The following TAOK3 variants were observed in gnomAD, a reference collection of about 807,000 sequenced individuals.
TAOK3 encodes the protein serine/threonine-protein kinase TAO3.
A neutral mutation model predicts 120.4 loss-of-function variants in TAOK3; 40 were observed. That is an observed-to-expected ratio of 0.33 (90% CI 0.26 to 0.43). The LOEUF is 0.43. Ranked by LOEUF, TAOK3 falls within the 20% of genes least tolerant of loss-of-function variation. TAOK3 has a pLI of 1.00. For synonymous variants in TAOK3, 355 were observed against 387.5 expected (o/e 0.92, Z 0.99); for missense variants, 821 against 1,112.1 (o/e 0.74, Z 3.72).
intron 9 of TAOK3, among the ~76,000 whole-genome samples, chr12:118,225,642 C>A (rs1320120631): frequency 1.3e-5 from 2 of 152,058 alleles, no homozygotes; most frequent in Non-Finnish European, 2.9e-5. Context: ...GGTGTACTAC[C>A]GTTAAATATT....
intron 1 of TAOK3, among the ~76,000 whole-genome samples, chr12:118,347,699 T>C (rs2044928443): frequency 6.6e-6 from 1 of 152,168 alleles, no homozygotes; most frequent in Admixed American, 6.5e-5. Context: ...GTGCTGAGCT[T>C]CCCCTCTCTA....
intron 11 of TAOK3, among the ~76,000 whole-genome samples, chr12:118,207,019 AG>A (rs1424551267): frequency 1.3e-5 from 2 of 152,294 alleles, no homozygotes; most frequent in Middle Eastern, 3.4e-3. Flanking sequence ...CAAATAACAC[AG>A]AAAAATGTAT....
chr12:118,276,962 G>A (rs748594146), intron 1 of TAOK3, among the ~76,000 whole-genome samples: 8 of 152,240 alleles, frequency 5.3e-5, no homozygotes, highest in Admixed American at 3.3e-4. Flanking sequence ...CTGAGATCAC[G>A]CCACTGCACT....
intron 9 of TAOK3, among the ~76,000 whole-genome samples, chr12:118,220,740 G>A (rs1169380617): frequency 6.6e-6 from 1 of 152,058 alleles, no homozygotes; most frequent in African/African-American, 2.4e-5. Context: ...TAAGTAGCAA[G>A]CACTCTGCCT....
Position 118,245,783 on chromosome 12 carries a change from T to C in TAOK3, c.121-818A>G, listed in dbSNP as rs113245199. Among the ~76,000 whole-genome samples, 1,045 of 152,130 alleles carry C rather than the reference T, an allele frequency of 6.9e-3. 8 individuals carry two copies. Among genetic ancestry groups the C allele is most frequent in the African/African-American group, 0.023 (970 of 41,518 alleles). ...ATTGTAATATAAAAAATGATTAGGG[T>C]TTAATATATCAAACCAAACAAAAAA... is the stretch of plus-strand genomic sequence containing the variant. On this transcript the variant is annotated intron_variant, in intron 3 of 20. Transcript: ENST00000392533.
At chr12:118,243,382 ATAGT>A in intron 5 of TAOK3, 29 bp downstream of exon 5, 1 of 1,140,590 alleles carries the variant, frequency 8.8e-7, no homozygotes, top group East Asian at 2.5e-5. Context: ...AAAAAATGTA[ATAGT>A]AAAAGATAAT....
chr12:118,283,519 TAA>T (rs1431168327), intron 1 of TAOK3: 1 of 152,998 alleles, frequency 6.5e-6, no homozygotes, highest in African/African-American at 2.4e-5. Flanking sequence ...ATCACAAGGT[TAA>T]GAGATCGAGA....
intron 1 of TAOK3, among the ~76,000 whole-genome samples, chr12:118,299,300 A>G (rs886215801): frequency 6.6e-6 from 1 of 152,186 alleles, no homozygotes; most frequent in African/African-American, 2.4e-5. Flanking sequence ...CAATTTCACA[A>G]AAAACATTCA....
At chr12:118,370,132 C>T (rs1395450656) in intron 1 of TAOK3, among the ~76,000 whole-genome samples, 2 of 152,124 alleles carry the variant, frequency 1.3e-5, no homozygotes, top group Non-Finnish European at 2.9e-5. Context: ...CTCGGCCTCC[C>T]AAAGTGCTAG....
chr12:118,353,518 T>C (rs1451963148), intron 1 of TAOK3, among the ~76,000 whole-genome samples: 11 of 151,948 alleles, frequency 7.2e-5, no homozygotes, highest in Admixed American at 5.9e-4. Flanking sequence ...AGATTTAACA[T>C]AGTGGAAAAC....
chr12:118,351,444 A>G (rs2045149538), intron 1 of TAOK3, among the ~76,000 whole-genome samples: 1 of 151,930 alleles, frequency 6.6e-6, no homozygotes, highest in Non-Finnish European at 1.5e-5. Flanking sequence ...AAATGGACAA[A>G]GAGTATGGTG....
At chr12:118,335,397 A>G (rs1000685913) in intron 1 of TAOK3, among the ~76,000 whole-genome samples, 2 of 152,136 alleles carry the variant, frequency 1.3e-5, no homozygotes, top group Admixed American at 6.6e-5. Context: ...CCGATTTCTC[A>G]ATTTCTCTAA....
At chr12:118,359,105 A>G (rs999380364) in intron 1 of TAOK3, 4 of 152,214 alleles carry the variant, frequency 2.6e-5, no homozygotes, top group African/African-American at 4.8e-5. Context: ...GGCTATCAGC[A>G]CCTTCATCCC....
At chr12:118,246,255 A>G in intron 3 of TAOK3, 5 of 1,480,956 alleles carry the variant, frequency 3.4e-6, no homozygotes, top group Non-Finnish European at 4.6e-6. Context: ...GGCCGAGGAT[A>G]AGGAGTGGAT....
intron 1 of TAOK3, chr12:118,296,978 T>C (rs2042704798): frequency 6.6e-6 from 1 of 152,176 alleles, no homozygotes; most frequent in Non-Finnish European, 1.5e-5. Flanking sequence ...ATGAACTCTT[T>C]CCTTTGCCTC....
At position 118,205,615 on chromosome 12, in the gene TAOK3, A is replaced by G. The variant is rs893674306; in HGVS notation, c.820-4152T>C. ...TACTACATGTCATTCCCCCATTCCA[A>G]CTTCTTTTTTTTTGAGACAAAGTCT... On this transcript the variant is annotated intron_variant, in intron 11 of 20. Coordinates refer to ENST00000392533, the MANE Select transcript of TAOK3 (RefSeq NM_016281.4). Among the ~76,000 whole-genome samples, 4 of 151,672 alleles carry G rather than the reference A, an allele frequency of 2.6e-5. No homozygotes were observed. The East Asian group carries it at 7.8e-4, about 29-fold the overall frequency.
At chr12:118,275,187 G>A (rs1255409246) in intron 1 of TAOK3, among the ~76,000 whole-genome samples, 1 of 151,980 alleles carries the variant, frequency 6.6e-6, no homozygotes, top group Non-Finnish European at 1.5e-5. Flanking sequence ...CTCCCAAGCT[G>A]GAGTGCAGTG....
At chr12:118,312,523 T>G (rs896573880) in intron 1 of TAOK3, among the ~76,000 whole-genome samples, 1 of 152,208 alleles carries the variant, frequency 6.6e-6, no homozygotes, top group South Asian at 2.1e-4. Context: ...AAGGGATGTT[T>G]CTTGAAATTA....
chr12:118,250,901 G>C (rs1367717394), intron 3 of TAOK3, among the ~76,000 whole-genome samples: 1 of 152,140 alleles, frequency 6.6e-6, no homozygotes, highest in Non-Finnish European at 1.5e-5. Context: ...GAAAATAGAA[G>C]GGAGAAATAT....
Sources: gnomAD v4.1 joint callset for allele counts (sites outside exome capture counted in the v4.1 genomes callset) on GRCh38, gnomAD v4.1.1 for gene constraint, MANE v1.5 for transcripts, NCBI Gene and HGNC (gene_info 2026-07-23, HGNC 2026-07-21) for gene names.